TFCP2L1: variants seen among roughly 807,000 people sequenced by gnomAD.
TFCP2L1 encodes transcription factor CP2 like 1, also known as transcription factor CP2-like protein 1.
In TFCP2L1, 12 loss-of-function variants were observed where a neutral mutation model predicts 72.2. That is an observed-to-expected ratio of 0.17 (90% CI 0.11 to 0.27). The LOEUF is 0.27. Among genes scored for constraint, TFCP2L1 ranks in the 10% least tolerant of loss-of-function variants. The pLI, the probability that TFCP2L1 is intolerant of heterozygous loss-of-function variation, is 1.00. For synonymous variants in TFCP2L1, 260 were observed against 251.0 expected, an observed-to-expected ratio of 1.04 and a Z score of -0.34; for missense variants, 488 against 624.6, an observed-to-expected ratio of 0.78 and a Z score of 2.33.
rs1258790326 is a variant in TFCP2L1, at chr2:121,217,495, C to G, written c.*6846G>C. On this transcript the variant is annotated 3_prime_UTR_variant, in exon 15 of 15. Coordinates refer to ENST00000263707, the MANE Select transcript of TFCP2L1 (RefSeq NM_014553.3). ...CCTCCAATGGCAGATGCAGAATTCT[C>G]AGGCCCAGGATACCCTTATGGAGGG... 2.0e-5 allele frequency: 3 copies of G among 152,362 alleles called. No individual in the cohort carries two copies. 9.4% of individuals were successfully genotyped at this position (152,362 alleles called of 1,614,324 possible).
Position 121,234,197 on chromosome 2 carries a change from G to A in TFCP2L1, c.1095-3C>T, listed in dbSNP as rs1321826408. 3 of 1,613,698 alleles carry A rather than the reference G, an allele frequency of 1.9e-6. No individual in the cohort carries two copies. In the Admixed American group the frequency reaches 5.0e-5, roughly 27 times the overall value. On this transcript the variant is annotated splice_region_variant and splice_polypyrimidine_tract_variant and intron_variant, in intron 11 of 14. Coordinates refer to ENST00000263707, the MANE Select transcript of TFCP2L1 (RefSeq NM_014553.3). ...TGGTCATCTTTGGCCTCACATTCCT[G>A]GCAGGAGAAGAGAAAATAAATAATA...
chr2:121,227,591 G>A (rs902796950), intron 13 of TFCP2L1, among the ~76,000 whole-genome samples: 4 of 152,212 alleles, frequency 2.6e-5, no homozygotes, highest in Non-Finnish European at 4.4e-5. Flanking sequence ...TAAGGCAGGA[G>A]AATCGCTTGA....
intron 10 of TFCP2L1, 128 bp downstream of exon 10, chr2:121,237,493 CCA>C: frequency 9.3e-7 from 1 of 1,073,438 alleles, no homozygotes; most frequent in Admixed American, 2.0e-5. Context: ...GCGAGCGAAC[CCA>C]CACTATCTCG....
At chr2:121,245,273 A>G (rs1345469637) in intron 6 of TFCP2L1, among the ~76,000 whole-genome samples, 1 of 152,224 alleles carries the variant, frequency 6.6e-6, no homozygotes, top group East Asian at 1.9e-4. Flanking sequence ...AAGCTGGAAT[A>G]GGCAAGAGCC....
chr2:121,276,905 T>C (rs1224557553), intron 2 of TFCP2L1, among the ~76,000 whole-genome samples: 2 of 151,766 alleles, frequency 1.3e-5, no homozygotes, highest in Non-Finnish European at 2.9e-5. Flanking sequence ...GAATGAAAGA[T>C]TTGATTTGAC....
In TFCP2L1 at chr2:121,231,907, G is replaced by T; in HGVS notation, c.1260C>A (p.Asn420Lys). Residue 420 changes from asparagine (N) to lysine (K), a missense_variant, in exon 13 of 15, where the codon AAC becomes AAA. By Grantham distance (94) the Asn-to-Lys change is moderately conservative (BLOSUM62 0). Transcript: ENST00000263707. ...TGTGCTGGGGGGAGATGCTGTACAG[G>T]TTGGCGATCTTCTCAATCAGCTCCA... ...TTLELIEKIA[N>K]LYSISPQHIH... 6 of 1,613,590 alleles carry T rather than the reference G, an allele frequency of 3.7e-6. No individual in the cohort carries two copies. The highest frequency in any genetic ancestry group is 5.1e-6 in the Non-Finnish European group (6 of 1,179,698).
chr2:121,232,761 G>A (rs1272294747), intron 12 of TFCP2L1, among the ~76,000 whole-genome samples: 1 of 152,148 alleles, frequency 6.6e-6, no homozygotes, highest in East Asian at 1.9e-4. Context: ...CCTCAACACA[G>A]TAACCCTAAG....
intron 2 of TFCP2L1, among the ~76,000 whole-genome samples, chr2:121,251,848 G>A (rs564354394): frequency 6.6e-6 from 1 of 152,126 alleles, no homozygotes; most frequent in African/African-American, 2.4e-5. Flanking sequence ...ATTTTAACAT[G>A]AATGACTATC....
rs374437825 is a variant in TFCP2L1 at position 121,247,195 on chromosome 2, G to A, written c.505-225C>T. On this transcript the variant is annotated intron_variant, in intron 5 of 14. Coordinates refer to ENST00000263707, the MANE Select transcript of TFCP2L1 (RefSeq NM_014553.3). ...ACACCCCCACCTTTGTCTCTTTACT[G>A]TGGAGGCCCTGCCTGACCAGCTAAG... 1.1e-3 allele frequency among the ~76,000 whole-genome samples: 160 copies of A among 152,158 alleles called. 7 individuals carry two copies. The South Asian group carries it at 0.031, about 30-fold the overall frequency.
rs1357884229 is a variant in TFCP2L1, at chr2:121,219,179, C to T, written c.*5162G>A. ...ACACTGTCTAGAAAAGCTAAGGCCA[C>T]CAGCTTCATCCACTCTCCAGGAGGT... On this transcript the variant is annotated 3_prime_UTR_variant, in exon 15 of 15. Transcript: ENST00000263707. The T allele has an allele frequency of 1.3e-5, 2 of 152,274 alleles. No individual in the cohort carries two copies. Among genetic ancestry groups the T allele is most frequent in the African/African-American group, 2.4e-5 (1 of 41,440 alleles). The allele number at this position is 152,274 out of a possible 1,614,324, so 9.4% of individuals were successfully genotyped here.
chr2:121,275,272 G>A (rs1173491065), intron 2 of TFCP2L1, among the ~76,000 whole-genome samples: 2 of 90,248 alleles, frequency 2.2e-5, no homozygotes, highest in Admixed American at 1.2e-4. Flanking sequence ...TAGTCGCGGC[G>A]CCTGTAGTCC....
In TFCP2L1 at chr2:121,237,522, C is replaced by T. The variant is rs575842587; in HGVS notation, c.1003+101G>A. 2.7e-5 allele frequency: 37 copies of T among 1,362,414 alleles called. No homozygotes were observed. The South Asian group carries it at 3.2e-4, about 12-fold the overall frequency. The allele number at this position is 1,362,414 out of a possible 1,614,324, so 84.4% of individuals were successfully genotyped here. A position where few individuals can be genotyped will look rare whatever the true frequency, so the allele number is the denominator to read the frequency against. The stretch of plus-strand genomic sequence containing the variant: ...ACTATCTCGGGTCTCCCAGCTGAAA[C>T]GACAGCGCTGCCAGTGTTGACAGCA... On this transcript the variant is annotated intron_variant, in intron 10 of 14. Transcript: ENST00000263707.
At chr2:121,278,395 A>T (rs1423752537) in intron 2 of TFCP2L1, among the ~76,000 whole-genome samples, 1 of 149,524 alleles carries the variant, frequency 6.7e-6, no homozygotes, top group Non-Finnish European at 1.5e-5. Context: ...TTTTTAAAAA[A>T]ACCTAGTAGG....
intron 13 of TFCP2L1, among the ~76,000 whole-genome samples, chr2:121,230,442 G>T (rs1372628594): frequency 6.6e-6 from 1 of 151,734 alleles, no homozygotes. Context: ...AAAGTGCTGG[G>T]ATTACAGGTG....
chr2:121,250,508 C>T (rs1399668150), intron 2 of TFCP2L1, among the ~76,000 whole-genome samples: 1 of 151,688 alleles, frequency 6.6e-6, no homozygotes, highest in Non-Finnish European at 1.5e-5. Context: ...AAATTAAATA[C>T]TGAACTACAA....
intron 3 of TFCP2L1, 36 bp downstream of exon 3, chr2:121,249,535 C>G (rs1300736904): frequency 3.7e-6 from 6 of 1,607,940 alleles, no homozygotes; most frequent in Non-Finnish European, 5.1e-6. Flanking sequence ...TCAAGCCCCT[C>G]TCCCCGAGGC....
intron 8 of TFCP2L1, 119 bp from the exon 9 acceptor site, chr2:121,237,969 A>G (rs1686286626): frequency 2.8e-6 from 3 of 1,064,356 alleles, no homozygotes; most frequent in Middle Eastern, 2.3e-4. Flanking sequence ...TTCTAAGTGA[A>G]ATGAGTCCTC....
At chr2:121,242,094 A>G (rs1686383603) in intron 7 of TFCP2L1, among the ~76,000 whole-genome samples, 1 of 151,488 alleles carries the variant, frequency 6.6e-6, no homozygotes, top group Admixed American at 6.6e-5. Flanking sequence ...AAAAAAAAAA[A>G]AAAAAAAAAA....
Position 121,216,652 on chromosome 2 carries a change from G to A in TFCP2L1, c.*7689C>T, listed in dbSNP as rs1431716382. ...CACAGATCCCACATACAGACTTCTC[G>A]TCCGCACTATGGTACAGTAACAAGT... On this transcript the variant is annotated 3_prime_UTR_variant, in exon 15 of 15. Coordinates refer to ENST00000263707, the MANE Select transcript of TFCP2L1 (RefSeq NM_014553.3). The A allele has an allele frequency of 6.6e-6, 1 of 152,112 alleles. No individual in the cohort carries two copies. Among genetic ancestry groups the A allele is most frequent in the Admixed American group, 6.5e-5 (1 of 15,268 alleles). 9.4% of individuals were successfully genotyped at this position (152,112 alleles called of 1,614,324 possible). A position where few individuals can be genotyped will look rare whatever the true frequency, so the allele number is the denominator to read the frequency against.
Sources: allele counts gnomAD v4.1 joint callset (sites outside exome capture counted in the v4.1 genomes callset), GRCh38; gene constraint gnomAD v4.1.1; transcripts MANE v1.5; gene names NCBI Gene and HGNC (gene_info 2026-07-23, HGNC 2026-07-21).